CTDP1: variants seen among roughly 807,000 people sequenced by gnomAD.
The protein encoded by CTDP1 is RNA polymerase II subunit A C-terminal domain phosphatase.
Under a neutral mutation model 91.8 loss-of-function variants are expected in CTDP1, and 47 were observed. The ratio of observed to expected loss-of-function variants is 0.51; its 90% CI spans 0.41 to 0.65. The LOEUF (loss-of-function observed/expected upper bound fraction) is 0.65, where lower values mean the gene tolerates loss of function less well. Among genes scored for constraint, CTDP1 ranks in the 30% least tolerant of loss-of-function variants. The pLI is 0.00. For missense variants in CTDP1, 1,272 were observed against 1,373.7 expected, an observed-to-expected ratio of 0.93 and a Z score of 1.17; for synonymous variants, 656 against 598.5, an observed-to-expected ratio of 1.10 and a Z score of -1.40.
intron 12 of CTDP1, among the ~76,000 whole-genome samples, chr18:79,737,232 G>A (rs1359263279): frequency 6.6e-6 from 1 of 152,230 alleles, no homozygotes; most frequent in East Asian, 1.9e-4. Context: ...TGCCGTGAAA[G>A]GTATCTTTTT....
intron 1 of CTDP1, among the ~76,000 whole-genome samples, chr18:79,685,147 G>A (rs1413222416): frequency 1.3e-5 from 2 of 151,952 alleles, no homozygotes; most frequent in African/African-American, 4.8e-5. Context: ...TTGGTTCTCT[G>A]CGTGCTGCTC....
chr18:79,727,356 G>GAAGCGTGGCGTTCACGGGATGGA (rs1310053670), intron 10 of CTDP1, among the ~76,000 whole-genome samples: 2 of 152,204 alleles, frequency 1.3e-5, no homozygotes, highest in Admixed American at 1.3e-4. Context: ...CGCGGGATGG[G>GAAGCGTGGCGTTCACGGGATGGA]AAGCGTGGCG....
upstream of CTDP1, chr18:79,679,082 G>A: frequency 3.5e-6 from 1 of 288,464 alleles, no homozygotes; most frequent in Admixed American, 4.9e-5. Flanking sequence ...TTCGCCTGGG[G>A]CCACTGAGAC....
intron 10 of CTDP1, 47 bp downstream of exon 10, chr18:79,718,063 A>G (rs2086258395): frequency 6.2e-7 from 1 of 1,602,764 alleles, no homozygotes; most frequent in Admixed American, 1.7e-5. Context: ...GGGCTCTTCA[A>G]GCTTGCTGCT....
In CTDP1 at chr18:79,732,768, C is replaced by A. The variant is rs144526005; in HGVS notation, c.2581-3587C>A. 2.2e-4 allele frequency among the ~76,000 whole-genome samples: 34 copies of A among 151,670 alleles called. No individual in the cohort carries two copies. The East Asian group carries it at 6.4e-3, about 29-fold the overall frequency. ...GAACTCACTGTCACCAGGAGTGCTC[C>A]CAAAATCATGTGAGACGTAAGAACT... On this transcript the variant is annotated intron_variant, in intron 11 of 12. Coordinates refer to ENST00000613122, the MANE Select transcript of CTDP1 (RefSeq NM_004715.5).
chr18:79,720,368 A>G (rs373655561), intron 10 of CTDP1, among the ~76,000 whole-genome samples: 48 of 141,400 alleles, frequency 3.4e-4, no homozygotes, highest in South Asian at 1.6e-3. Flanking sequence ...GTCACCTCCT[A>G]TTGTGTCCTG....
chr18:79,695,932 G>A (rs773608576), intron 2 of CTDP1, 45 bp from the exon 3 acceptor site: 21 of 1,494,664 alleles, frequency 1.4e-5, no homozygotes, highest in African/African-American at 5.5e-5. Context: ...GCATCTGTGC[G>A]CAGAGACTCA....
rs2085696481 is a variant in CTDP1, at chr18:79,694,313, TGGGGTGGTCGGA to T, written c.315-910_315-899del. Among the ~76,000 whole-genome samples the T allele has an allele frequency of 2.6e-4, 22 of 83,714 alleles. 1 individual carries two copies. The highest frequency in any genetic ancestry group is 7.9e-4 in the African/African-American group (18 of 22,666). The allele number at this position is 83,714 out of a possible 152,430, so 54.9% of individuals were successfully genotyped here. On this transcript the variant is annotated intron_variant, in intron 1 of 12. Coordinates refer to ENST00000613122, the MANE Select transcript of CTDP1 (RefSeq NM_004715.5). ...GCTGGGCGGTCTCATGTCCACGGGGTGGGGTGGTCGGAGCAGCCCAGCTGGGACGGGAGTGTG... is the reference window on the plus strand; with the variant it reads ...GCTGGGCGGTCTCATGTCCACGGGGTGCAGCCCAGCTGGGACGGGAGTGTG...
intron 12 of CTDP1, among the ~76,000 whole-genome samples, chr18:79,748,419 C>T (rs1290778825): frequency 6.6e-6 from 1 of 152,220 alleles, no homozygotes; most frequent in Non-Finnish European, 1.5e-5. Flanking sequence ...CCAGCCCGGG[C>T]TCTGTGACCC....
At chr18:79,749,228 G>C (rs1215171995) in intron 12 of CTDP1, among the ~76,000 whole-genome samples, 1 of 152,296 alleles carries the variant, frequency 6.6e-6, no homozygotes, top group Non-Finnish European at 1.5e-5. Flanking sequence ...TGTTGGAACT[G>C]GTTCTTGCAC....
chr18:79,753,683 GCCGCCAGCGAGT>G lies in CTDP1; in HGVS notation c.2782_2793del (p.Ala928_Ser931del). 1.2e-6 allele frequency: 2 copies of G among 1,614,158 alleles called. No individual in the cohort carries two copies. The highest frequency in any genetic ancestry group is 1.7e-6 in the Non-Finnish European group (2 of 1,180,032). On this transcript the variant is annotated inframe_deletion, in exon 13 of 13. Coordinates refer to ENST00000613122, the MANE Select transcript of CTDP1 (RefSeq NM_004715.5). Reference sequence around the variant, plus strand: ...CAAGAGGAAGCTGAATGAAGAGGACGCCGCCAGCGAGTCCAGCAGGGAGTCCAGCAACGAGGA... The same window carrying G: ...CAAGAGGAAGCTGAATGAAGAGGACGCCAGCAGGGAGTCCAGCAACGAGGA...
intron 12 of CTDP1, among the ~76,000 whole-genome samples, chr18:79,741,532 A>G (rs896574910): frequency 2.0e-5 from 3 of 152,156 alleles, no homozygotes; most frequent in Non-Finnish European, 2.9e-5. Flanking sequence ...ATGGCTCCCT[A>G]AGTACTTGGA....
intron 11 of CTDP1, among the ~76,000 whole-genome samples, chr18:79,733,723 T>C (rs1205388160): frequency 1.3e-5 from 2 of 152,166 alleles, no homozygotes; most frequent in African/African-American, 4.8e-5. Flanking sequence ...TCTCTTCTTG[T>C]TTCCCGTCCT....
intron 1 of CTDP1, among the ~76,000 whole-genome samples, chr18:79,693,152 G>A (rs972525136): frequency 6.6e-6 from 1 of 152,250 alleles, no homozygotes; most frequent in Non-Finnish European, 1.5e-5. Context: ...AGCAAGCAGG[G>A]AGCAGGTGTC....
chr18:79,751,903 A>G (rs928968580), intron 12 of CTDP1, among the ~76,000 whole-genome samples: 2 of 152,210 alleles, frequency 1.3e-5, no homozygotes, highest in African/African-American at 4.8e-5. Context: ...AGTTTCTCTC[A>G]GTGACTTTTC....
upstream of CTDP1, chr18:79,679,467 A>G: frequency 2.2e-6 from 1 of 456,316 alleles, no homozygotes; most frequent in Non-Finnish European, 4.4e-6. Context: ...GCTGGGTCTC[A>G]GCGCGTGATG....
intron 2 of CTDP1, 117 bp from the exon 3 acceptor site, chr18:79,695,860 T>G: frequency 3.6e-6 from 3 of 835,890 alleles, no homozygotes; most frequent in Non-Finnish European, 6.0e-6. Flanking sequence ...AAGTCTGTGC[T>G]AAGATAGCAG....
At chr18:79,727,777 G>A (rs567636614) in intron 10 of CTDP1, among the ~76,000 whole-genome samples, 16 of 152,272 alleles carry the variant, frequency 1.1e-4, no homozygotes, top group African/African-American at 2.9e-4. Flanking sequence ...TGGGACGCAC[G>A]CTTAGTGCCT....
At chr18:79,709,724 G>A (rs890756078) in intron 5 of CTDP1, among the ~76,000 whole-genome samples, 3 of 152,184 alleles carry the variant, frequency 2.0e-5, no homozygotes, top group Non-Finnish European at 2.9e-5. Flanking sequence ...AGGCTTCCTC[G>A]ATGTTGCCTA....
Sources: gnomAD v4.1 joint callset for allele counts (sites outside exome capture counted in the v4.1 genomes callset) on GRCh38, gnomAD v4.1.1 for gene constraint, MANE v1.5 for transcripts, NCBI Gene and HGNC (gene_info 2026-07-23, HGNC 2026-07-21) for gene names.